HDLBP: variants seen among roughly 807,000 people sequenced by gnomAD.
HDLBP encodes high density lipoprotein binding protein.
HDLBP carries 30 observed loss-of-function variants against 137.3 expected under a neutral mutation model. That is an observed-to-expected ratio of 0.22 (90% CI 0.16 to 0.30). The LOEUF is 0.30. HDLBP is among the 10% of genes least tolerant of loss of function. HDLBP has a pLI of 1.00. For missense variants in HDLBP, 1,119 were observed against 1,667.3 expected (o/e 0.67, Z 5.73); for synonymous variants, 606 against 596.0 (o/e 1.02, Z -0.24).
intron 1 of HDLBP, among the ~76,000 whole-genome samples, chr2:241,281,110 C>G (rs961608488): frequency 6.6e-6 from 1 of 152,156 alleles, no homozygotes; most frequent in Non-Finnish European, 1.5e-5. Context: ...AATCCCAGCA[C>G]TTTGGGAGGC....
chr2:241,245,230 C>G (rs369820723), intron 16 of HDLBP, among the ~76,000 whole-genome samples: 1 of 150,694 alleles, frequency 6.6e-6, no homozygotes, highest in South Asian at 2.1e-4. Flanking sequence ...ATGGCCCAGG[C>G]TGGAGTGCAG....
chr2:241,256,514 G>A, intron 6 of HDLBP, 86 bp downstream of exon 6: 1 of 1,521,950 alleles, frequency 6.6e-7, no homozygotes, highest in Non-Finnish European at 9.1e-7. Context: ...ATGCCTTGAA[G>A]TCCACACTGG....
intron 24 of HDLBP, among the ~76,000 whole-genome samples, chr2:241,231,573 C>A (rs985080074): frequency 6.6e-6 from 1 of 152,122 alleles, no homozygotes; most frequent in Admixed American, 6.6e-5. Context: ...AGACAAAGCC[C>A]CAAGCCCCTC....
intron 16 of HDLBP, 184 bp downstream of exon 16, chr2:241,246,568 G>A: frequency 1.6e-6 from 1 of 608,798 alleles, no homozygotes; most frequent in East Asian, 2.7e-5. Context: ...AGGTAAGTAA[G>A]TATCGTGAGA....
In HDLBP at chr2:241,272,350, A is replaced by C. The variant is rs2074139141; in HGVS notation, c.-102-3809T>G. On this transcript the variant is annotated intron_variant, in intron 1 of 27. Coordinates refer to ENST00000310931, the MANE Select transcript of HDLBP (RefSeq NM_005336.6). The surrounding 1 kb of genome is among the most constrained non-coding windows in gnomAD (Gnocchi z 5.6). Reference sequence around the variant, plus strand: ...GGGGAGGGGAGGGCCGGCCCCGCCAACGTCAGCGACCTGGGCTCAGGTCGG... The same window carrying C: ...GGGGAGGGGAGGGCCGGCCCCGCCACCGTCAGCGACCTGGGCTCAGGTCGG... The C allele has an allele frequency of 7.1e-6, 7 of 982,242 alleles. No homozygotes were observed. In the South Asian group the frequency reaches 2.9e-4, roughly 40 times the overall value. 60.8% of individuals were successfully genotyped at this position (982,242 alleles called of 1,614,324 possible).
rs1175050799 is a variant in HDLBP at position 241,253,522 on chromosome 2, A to G, written c.1189-25T>C. Reference sequence around the variant, plus strand: ...CCTACCACACCAAAACCAAAGAGATAGCTAAAACAGAATGGCACAGCTGCA... The same window carrying G: ...CCTACCACACCAAAACCAAAGAGATGGCTAAAACAGAATGGCACAGCTGCA... On this transcript the variant is annotated intron_variant, in intron 9 of 27. Transcript: ENST00000310931. The G allele has an allele frequency of 2.0e-6, 3 of 1,517,068 alleles. No homozygotes were observed. The East Asian group carries it at 6.7e-5, about 34-fold the overall frequency. 94.0% of individuals were successfully genotyped at this position (1,517,068 alleles called of 1,614,324 possible). A position where few individuals can be genotyped will look rare whatever the true frequency, so the allele number is the denominator to read the frequency against.
chr2:241,298,670 G>A (rs760989607), intron 1 of HDLBP, among the ~76,000 whole-genome samples: 2 of 152,192 alleles, frequency 1.3e-5, no homozygotes, highest in Admixed American at 6.5e-5. Context: ...GGCAGCACCT[G>A]AATCAAGCAA....
intron 7 of HDLBP, among the ~76,000 whole-genome samples, chr2:241,255,921 T>C (rs898552799): frequency 4.6e-5 from 7 of 152,230 alleles, no homozygotes; most frequent in African/African-American, 1.2e-4. Context: ...GTCCGGGATG[T>C]GCATCTGACC....
chr2:241,270,325 CCA>C (rs1183773000), intron 1 of HDLBP, among the ~76,000 whole-genome samples: 1 of 152,188 alleles, frequency 6.6e-6, no homozygotes, highest in Non-Finnish European at 1.5e-5. Flanking sequence ...CCAGAAAACT[CCA>C]GACTGGTTTG....
intron 1 of HDLBP, chr2:241,279,929 C>G: frequency 1.0e-6 from 1 of 985,382 alleles, no homozygotes; most frequent in Non-Finnish European, 1.2e-6. Context: ...CCTCTCTTTG[C>G]TTTAACTTAT....
chr2:241,315,054 G>A (rs1393115827), intron 1 of HDLBP: 1 of 152,046 alleles, frequency 6.6e-6, no homozygotes, highest in Non-Finnish European at 1.5e-5. Flanking sequence ...TCCCGTCCCC[G>A]AGCCACGTCG....
At chr2:241,313,670 G>A (rs963406725) in intron 1 of HDLBP, among the ~76,000 whole-genome samples, 1 of 152,176 alleles carries the variant, frequency 6.6e-6, no homozygotes, top group Non-Finnish European at 1.5e-5. Flanking sequence ...TTGAAATGAA[G>A]AAGTGAGGTC....
In HDLBP at chr2:241,272,558, T is replaced by C. The variant is rs1486091411; in HGVS notation, c.-102-4017A>G. The C allele has an allele frequency of 1.0e-6, 1 of 983,916 alleles. No homozygotes were observed. Among genetic ancestry groups the C allele is most frequent in the African/African-American group, 1.8e-5 (1 of 56,898 alleles). 60.9% of individuals were successfully genotyped at this position (983,916 alleles called of 1,614,324 possible). Reference sequence around the variant, plus strand: ...AGAGACTCGGAGCCGGCCCCAGGTCTGGCCCGGAACCGCCACGCGCGGTAA... The same window carrying C: ...AGAGACTCGGAGCCGGCCCCAGGTCCGGCCCGGAACCGCCACGCGCGGTAA... On this transcript the variant is annotated intron_variant, in intron 1 of 27. Transcript: ENST00000310931. The surrounding 1 kb of genome is among the most constrained non-coding windows in gnomAD (Gnocchi z 5.6).
At chr2:241,231,761 ACAAGCAGAC>A (rs1340875634) in intron 24 of HDLBP, among the ~76,000 whole-genome samples, 3 of 152,212 alleles carry the variant, frequency 2.0e-5, no homozygotes, top group East Asian at 1.9e-4. Flanking sequence ...GGGATAGCAG[ACAAGCAGAC>A]CAAGCAGACA....
In HDLBP at chr2:241,238,249, C is replaced by T. The variant is rs1050407466; in HGVS notation, c.2749+400G>A. ...ATGGTGCCCTCTGGCCAGCCAGAGG[C>T]TGCAGCTGCCTGCCTCACAGGGGAC... On this transcript the variant is annotated intron_variant, in intron 20 of 27. Transcript: ENST00000310931. This position sits in a 1 kb window ranked among gnomAD's most constrained non-coding sequence, Gnocchi z 4.9. 3 of 155,384 alleles carry T rather than the reference C, an allele frequency of 1.9e-5. No individual in the cohort carries two copies. Among genetic ancestry groups the T allele is most frequent in the African/African-American group, 7.2e-5 (3 of 41,622 alleles). The allele number at this position is 155,384 out of a possible 1,614,324, so 9.6% of individuals were successfully genotyped here.
rs575802920 is a variant in HDLBP at position 241,257,003 on chromosome 2, C to T, written c.451-197G>A. The stretch of plus-strand genomic sequence containing the variant: ...CCTGACTCCCAGGTTAGGGTAAGTT[C>T]GAGTGTATCTGCACCACTACTTAAC... On this transcript the variant is annotated intron_variant, in intron 5 of 27. Coordinates refer to ENST00000310931, the MANE Select transcript of HDLBP (RefSeq NM_005336.6). Among the ~76,000 whole-genome samples the T allele has an allele frequency of 1.7e-4, 26 of 152,246 alleles. No homozygotes were observed. In the East Asian group the frequency reaches 3.3e-3, roughly 19 times the overall value.
intron 11 of HDLBP, chr2:241,251,055 C>T (rs1393573671): frequency 6.6e-6 from 1 of 152,164 alleles, no homozygotes; most frequent in Non-Finnish European, 1.5e-5. Context: ...TCACTGCAGC[C>T]TTGACTTCCT....
chr2:241,270,985 G>A, intron 1 of HDLBP: 4 of 985,114 alleles, frequency 4.1e-6, no homozygotes, highest in Non-Finnish European at 4.8e-6. Flanking sequence ...ACCAGGGACA[G>A]GAAATTCATG....
At chr2:241,305,442 C>CA (rs2075539374) in intron 1 of HDLBP, among the ~76,000 whole-genome samples, 1 of 151,974 alleles carries the variant, frequency 6.6e-6, no homozygotes, top group African/African-American at 2.4e-5. Flanking sequence ...TCTTTCCAAC[C>CA]AAAAAAACGG....
Sources: allele counts gnomAD v4.1 joint callset (sites outside exome capture counted in the v4.1 genomes callset), GRCh38; gene constraint gnomAD v4.1.1; non-coding constraint Gnocchi (gnomAD v3.1); transcripts MANE v1.5; gene names NCBI Gene and HGNC (gene_info 2026-07-23, HGNC 2026-07-21).